The following MYT1 variants were observed in gnomAD, a reference collection of about 807,000 sequenced individuals.
The protein encoded by MYT1 is myelin transcription factor I.
A neutral mutation model predicts 123.0 loss-of-function variants in MYT1; 23 were observed. The ratio of observed to expected loss-of-function variants is 0.19; its 90% CI spans 0.13 to 0.26. The LOEUF (loss-of-function observed/expected upper bound fraction) is 0.26. MYT1 is among the 10% of genes least tolerant of loss of function. The probability of loss-of-function intolerance (pLI) is 1.00; values close to 1 mark genes in which losing one functional copy is unlikely to be tolerated. For missense variants in MYT1, 1,125 were observed against 1,472.5 expected (o/e 0.76, Z 3.86); for synonymous variants, 518 against 575.3 (o/e 0.90, Z 1.43).
chr20:64,165,512 G>A (rs1368890859), intron 1 of MYT1, among the ~76,000 whole-genome samples: 3 of 152,138 alleles, frequency 2.0e-5, no homozygotes, highest in Admixed American at 6.5e-5. Context: ...TCTGTCTATT[G>A]AATTCACTTT....
intron 13 of MYT1, among the ~76,000 whole-genome samples, chr20:64,220,411 G>C (rs1601719205): frequency 6.6e-6 from 1 of 152,234 alleles, no homozygotes; most frequent in East Asian, 1.9e-4. Flanking sequence ...GAGCCAGTGA[G>C]AGAGCTTAGG....
chr20:64,209,602 G>T lies in MYT1; in HGVS notation c.1291+1115G>T, dbSNP rs372447083. On this transcript the variant is annotated intron_variant, in intron 7 of 22. Coordinates refer to ENST00000328439, the MANE Select transcript of MYT1 (RefSeq NM_004535.3). ...CAGGGAGGGAGCAGATAAGGAGAGA[G>T]AACTGGGATGGGAGATGACTCAGGT... 2.0e-5 allele frequency among the ~76,000 whole-genome samples: 3 copies of T among 152,332 alleles called. No homozygotes were observed. In the South Asian group the frequency reaches 6.2e-4, roughly 32 times the overall value.
At chr20:64,225,829 G>A (rs117399901) in intron 16 of MYT1, among the ~76,000 whole-genome samples, 2,733 of 152,210 alleles carry the variant, frequency 0.018, 21 homozygotes, top group Non-Finnish European at 0.028. Flanking sequence ...CCATTGAATC[G>A]GGCCTTAGTG....
chr20:64,180,796 T>C (rs1263867908), intron 1 of MYT1, among the ~76,000 whole-genome samples: 2 of 152,272 alleles, frequency 1.3e-5, no homozygotes, highest in Non-Finnish European at 2.9e-5. Context: ...GTTTCGCTGG[T>C]GGACCAAACA....
At position 64,232,326 on chromosome 20, in the gene MYT1, C is replaced by T; in HGVS notation, c.2838C>T (p.Cys946=). ...CCCTGAAGAATGAAGGACCGACCTGCCCCACCCCGGGCTGTGACGGCTCTG... is the reference window on the plus strand; with the variant it reads ...CCCTGAAGAATGAAGGACCGACCTGTCCCACCCCGGGCTGTGACGGCTCTG... The part of the protein sequence containing the change: ...WKSLKNEGPT[C]PTPGCDGSGH... Residue 946 remains cysteine (C), a synonymous_variant, in exon 19 of 23, where the codon TGC becomes TGT. Transcript: ENST00000328439. This position sits in a 1 kb window ranked among gnomAD's most constrained non-coding sequence, Gnocchi z 6.9. 6.2e-7 allele frequency: 1 copy of T among 1,613,026 alleles called. No individual in the cohort carries two copies. The highest frequency in any genetic ancestry group is 8.5e-7 in the Non-Finnish European group (1 of 1,179,998).
At chr20:64,180,245 T>A (rs1425223434) in intron 1 of MYT1, among the ~76,000 whole-genome samples, 1 of 152,166 alleles carries the variant, frequency 6.6e-6, no homozygotes, top group Non-Finnish European at 1.5e-5. Context: ...CACACACCCT[T>A]TTTCACCTAG....
At chr20:64,234,121 T>A (rs569895728) in intron 19 of MYT1, among the ~76,000 whole-genome samples, 2 of 152,362 alleles carry the variant, frequency 1.3e-5, no homozygotes, top group Admixed American at 6.5e-5. Flanking sequence ...CATCTTACCT[T>A]GCCTCAATCA....
Position 64,221,777 on chromosome 20 carries a change from C to A in MYT1, c.2242-116C>A, listed in dbSNP as rs983765757. On this transcript the variant is annotated intron_variant, in intron 13 of 22. Transcript: ENST00000328439. ...TCCCTTATCCAGAAGATAGGAGACT[C>A]CGGGAGATGCTTCTGTGGACACTGT... The A allele has an allele frequency of 3.8e-6, 4 of 1,065,946 alleles. No individual in the cohort carries two copies. The African/African-American group carries it at 6.4e-5, about 17-fold the overall frequency. 66.0% of individuals were successfully genotyped at this position (1,065,946 alleles called of 1,614,324 possible).
At position 64,189,584 on chromosome 20, in the gene MYT1, A is replaced by G. The variant is rs574780635; in HGVS notation, c.-98-479A>G. On this transcript the variant is annotated intron_variant, in intron 1 of 22. Coordinates refer to ENST00000328439, the MANE Select transcript of MYT1 (RefSeq NM_004535.3). This position sits in a 1 kb window ranked among gnomAD's most constrained non-coding sequence, Gnocchi z 5.5. ...GGGTGGATCTCACTTTCTTCAATCAATGGGCTCCAGAGAAGTCGTGCAAAA... is the reference window on the plus strand; with the variant it reads ...GGGTGGATCTCACTTTCTTCAATCAGTGGGCTCCAGAGAAGTCGTGCAAAA... Among the ~76,000 whole-genome samples the G allele has an allele frequency of 3.3e-4, 50 of 152,282 alleles. No individual in the cohort carries two copies. The highest frequency in any genetic ancestry group is 3.4e-4 in the African/African-American group (14 of 41,574).
Position 64,185,387 on chromosome 20 carries a change from C to T in MYT1, c.-98-4676C>T, listed in dbSNP as rs1361039725. 2.0e-5 allele frequency among the ~76,000 whole-genome samples: 3 copies of T among 152,158 alleles called. No individual in the cohort carries two copies. Among genetic ancestry groups the T allele is most frequent in the Non-Finnish European group, 2.9e-5 (2 of 68,020 alleles). On this transcript the variant is annotated intron_variant, in intron 1 of 22. Coordinates refer to ENST00000328439, the MANE Select transcript of MYT1 (RefSeq NM_004535.3). This position sits in a 1 kb window ranked among gnomAD's most constrained non-coding sequence, Gnocchi z 4.5. ...CTCCTCTCAAGTGACTACCCTTCCC[C>T]TCTTTGCTGAGGGGCAGGTGGTAAC...
rs971207778 is a variant in MYT1, at chr20:64,185,895, G to T, written c.-98-4168G>T. 2.6e-5 allele frequency among the ~76,000 whole-genome samples: 4 copies of T among 152,224 alleles called. No individual in the cohort carries two copies. Among genetic ancestry groups the T allele is most frequent in the African/African-American group, 7.2e-5 (3 of 41,464 alleles). On this transcript the variant is annotated intron_variant, in intron 1 of 22. Coordinates refer to ENST00000328439, the MANE Select transcript of MYT1 (RefSeq NM_004535.3). This position sits in a 1 kb window ranked among gnomAD's most constrained non-coding sequence, Gnocchi z 4.5. ...AGGCCAGCAGCACTTCCTGGGAAGA[G>T]CCCAGCAGAGCACTGGCTCTCAGTG...
intron 1 of MYT1, among the ~76,000 whole-genome samples, chr20:64,180,605 G>A (rs1982625992): frequency 6.6e-6 from 1 of 152,230 alleles, no homozygotes; most frequent in Non-Finnish European, 1.5e-5. Context: ...GTGCTGGGGA[G>A]CCTCACTGGC....
rs436515 is a variant in MYT1, at chr20:64,166,073, C to G, written c.-99+1334C>G. The stretch of plus-strand genomic sequence containing the variant: ...GAGGGAGGCTCCCCTCGGCCCCCAG[C>G]CTCCCTGCCACCCCGGGCTCCCCTC... On this transcript the variant is annotated intron_variant, in intron 1 of 22. Coordinates refer to ENST00000328439, the MANE Select transcript of MYT1 (RefSeq NM_004535.3). This position sits in a 1 kb window ranked among gnomAD's most constrained non-coding sequence, Gnocchi z 4.9. 0.86 allele frequency among the ~76,000 whole-genome samples: 130,258 copies of G among 152,106 alleles called. 55,914 individuals are homozygous for G. Among genetic ancestry groups the G allele is most frequent in the East Asian group, 1 (5,146 of 5,164 alleles).
Position 64,236,693 on chromosome 20 carries a change from G to T in MYT1, c.2989+47G>T, listed in dbSNP as rs770843692. ...TCCCTGCTCATGGCTGGGTGCCAGGGTAAGTGAGAGCTGTGCACCTTTTGT... is the reference window on the plus strand; with the variant it reads ...TCCCTGCTCATGGCTGGGTGCCAGGTTAAGTGAGAGCTGTGCACCTTTTGT... On this transcript the variant is annotated intron_variant, in intron 20 of 22. Coordinates refer to ENST00000328439, the MANE Select transcript of MYT1 (RefSeq NM_004535.3). 6 of 1,512,262 alleles carry T rather than the reference G, an allele frequency of 4.0e-6. No homozygotes were observed. In the East Asian group the frequency reaches 1.1e-4, roughly 28 times the overall value. The allele number at this position is 1,512,262 out of a possible 1,614,324, so 93.7% of individuals were successfully genotyped here. A position where few individuals can be genotyped will look rare whatever the true frequency, so the allele number is the denominator to read the frequency against.
chr20:64,187,225 G>C (rs916852054), intron 1 of MYT1, among the ~76,000 whole-genome samples: 5 of 144,330 alleles, frequency 3.5e-5, no homozygotes, highest in Non-Finnish European at 7.5e-5. Context: ...CGTGGCCCCG[G>C]CATCCACGTT....
chr20:64,224,107 G>A (rs1006173322), intron 16 of MYT1, among the ~76,000 whole-genome samples: 2 of 152,174 alleles, frequency 1.3e-5, no homozygotes, highest in African/African-American at 4.8e-5. Context: ...CAGTTGTGCT[G>A]TGACTCCTCA....
intron 1 of MYT1, among the ~76,000 whole-genome samples, chr20:64,177,081 A>T (rs1430886067): frequency 6.6e-6 from 1 of 152,246 alleles, no homozygotes; most frequent in African/African-American, 2.4e-5. Context: ...CTATTTGCAT[A>T]TAAATGGAAA....
intron 1 of MYT1, among the ~76,000 whole-genome samples, chr20:64,170,674 G>A (rs1180678920): frequency 6.6e-6 from 1 of 150,726 alleles, no homozygotes; most frequent in Non-Finnish European, 1.5e-5. Flanking sequence ...TAAGTGGTCT[G>A]ATTTTGTTTT....
chr20:64,215,457 C>T (rs1010766958), intron 10 of MYT1, among the ~76,000 whole-genome samples: 8 of 152,126 alleles, frequency 5.3e-5, no homozygotes, highest in African/African-American at 1.4e-4. Context: ...TTCTGGCTAT[C>T]GAACTTTGGG....
Sources: allele counts gnomAD v4.1 joint callset (sites outside exome capture counted in the v4.1 genomes callset), GRCh38; gene constraint gnomAD v4.1.1; non-coding constraint Gnocchi (gnomAD v3.1); transcripts MANE v1.5; gene names NCBI Gene and HGNC (gene_info 2026-07-23, HGNC 2026-07-21).